The following KALRN variants were observed in gnomAD, a reference collection of about 807,000 sequenced individuals.
The protein encoded by KALRN is kalirin RhoGEF kinase.
Under a neutral mutation model 353.7 loss-of-function variants are expected in KALRN, and 70 were observed. The ratio of observed to expected loss-of-function variants is 0.20; its 90% CI spans 0.16 to 0.24. The LOEUF (loss-of-function observed/expected upper bound fraction) is 0.24, where lower values mean the gene tolerates loss of function less well. Among genes scored for constraint, KALRN ranks in the 10% least tolerant of loss-of-function variants. KALRN has a pLI of 1.00. For synonymous variants in KALRN, 1,391 were observed against 1,434.8 expected (o/e 0.97, Z 0.69); for missense variants, 2,791 against 3,756.7 (o/e 0.74, Z 6.72).
chr3:124,382,984 A>G, intron 10 of KALRN, among the ~76,000 whole-genome samples: 1 of 152,154 alleles, frequency 6.6e-6, no homozygotes, highest in Non-Finnish European at 1.5e-5. Flanking sequence ...CTTTCCTCAT[A>G]TGAAGCTGCT....
chr3:124,563,337 T>C (rs1273491521), intron 34 of KALRN, among the ~76,000 whole-genome samples: 1 of 152,186 alleles, frequency 6.6e-6, no homozygotes, highest in Non-Finnish European at 1.5e-5. Flanking sequence ...GAAATGAAGG[T>C]TGAATTAAGT....
chr3:124,326,244 G>C, intron 7 of KALRN, 73 bp downstream of exon 7: 1 of 1,280,088 alleles, frequency 7.8e-7, no homozygotes, highest in Non-Finnish European at 1.1e-6. Context: ...GGCTGGATGG[G>C]AGCACACACA....
At chr3:124,044,763 A>G (rs962833865) in intron 1 of KALRN, among the ~76,000 whole-genome samples, 3 of 152,110 alleles carry the variant, frequency 2.0e-5, no homozygotes, top group African/African-American at 7.2e-5. Flanking sequence ...ACATATTATG[A>G]TTATGTTACC....
At chr3:124,450,222 T>C (rs2058648370) in intron 21 of KALRN, among the ~76,000 whole-genome samples, 1 of 152,248 alleles carries the variant, frequency 6.6e-6, no homozygotes, top group African/African-American at 2.4e-5. Flanking sequence ...ACTGTGTCTT[T>C]TTATATAGCC....
rs1208624758 is a variant in KALRN, at chr3:124,721,045, G to A, written c.*1575G>A. ...ATCACGTAGTACAGAAGTGCAAGAAGAGAATTTATGAAGGATGAATAGAAC... is the reference window on the plus strand; with the variant it reads ...ATCACGTAGTACAGAAGTGCAAGAAAAGAATTTATGAAGGATGAATAGAAC... On this transcript the variant is annotated 3_prime_UTR_variant, in exon 60 of 60. Transcript: ENST00000682506. 6.6e-6 allele frequency: 1 copy of A among 152,178 alleles called. No homozygotes were observed. Among genetic ancestry groups the A allele is most frequent in the Admixed American group, 6.5e-5 (1 of 15,282 alleles). 9.4% of individuals were successfully genotyped at this position (152,178 alleles called of 1,614,324 possible).
chr3:124,379,748 C>T (rs1261875970), intron 10 of KALRN, among the ~76,000 whole-genome samples: 3 of 152,174 alleles, frequency 2.0e-5, no homozygotes, highest in African/African-American at 7.2e-5. Context: ...TCTCTAGCCT[C>T]AGGTAGTTTC....
chr3:124,658,656 G>T, intron 42 of KALRN, 139 bp downstream of exon 42: 1 of 692,328 alleles, frequency 1.4e-6, no homozygotes. Flanking sequence ...AGGAATAGCT[G>T]CCTCAACAGA....
chr3:124,612,819 C>G (rs2078152837), intron 34 of KALRN, among the ~76,000 whole-genome samples: 1 of 152,198 alleles, frequency 6.6e-6, no homozygotes, highest in Non-Finnish European at 1.5e-5. Flanking sequence ...ATATAGGAAG[C>G]ACTCAACAAG....
intron 34 of KALRN, among the ~76,000 whole-genome samples, chr3:124,573,258 A>G (rs2713648): frequency 0.31 from 46,725 of 152,060 alleles, 7,375 homozygotes; most frequent in East Asian, 0.38. Context: ...GCAAGACTCC[A>G]TTTCTAAAAA....
chr3:124,508,963 T>A (rs1206207718), intron 33 of KALRN, among the ~76,000 whole-genome samples: 2 of 152,216 alleles, frequency 1.3e-5, no homozygotes, highest in Non-Finnish European at 2.9e-5. Flanking sequence ...TCTTTTATAA[T>A]GTCCCTGGTT....
chr3:124,592,611 G>T (rs1042816084), intron 34 of KALRN, among the ~76,000 whole-genome samples: 3 of 152,260 alleles, frequency 2.0e-5, no homozygotes, highest in South Asian at 2.1e-4. Context: ...TTTTTGCCTA[G>T]ATAAAAATCA....
At chr3:124,273,317 A>G (rs747154802) in intron 5 of KALRN, among the ~76,000 whole-genome samples, 2 of 152,214 alleles carry the variant, frequency 1.3e-5, no homozygotes, top group Non-Finnish European at 2.9e-5. Context: ...CAAGTCACTC[A>G]TTCATTTAAT....
At chr3:124,278,046 A>T (rs903903247) in intron 5 of KALRN, among the ~76,000 whole-genome samples, 1 of 138,174 alleles carries the variant, frequency 7.2e-6, no homozygotes, top group Non-Finnish European at 1.6e-5. Context: ...GCAGTAACTG[A>T]GAAAAGTTCA....
rs1298815967 is a variant in KALRN at position 124,492,113 on chromosome 3, C to T, written c.4690-627C>T. Among the ~76,000 whole-genome samples the T allele has an allele frequency of 5.3e-5, 8 of 152,140 alleles. No homozygotes were observed. The East Asian group carries it at 1.5e-3, about 29-fold the overall frequency. ...GCCCATCACCAAGGAAAAAATGGTC[C>T]AACCCCGACAAAAGCTTCACATGTA... On this transcript the variant is annotated intron_variant, in intron 31 of 59. Coordinates refer to ENST00000682506, the MANE Select transcript of KALRN (RefSeq NM_001388419.1).
intron 33 of KALRN, among the ~76,000 whole-genome samples, chr3:124,545,990 T>G (rs1023948801): frequency 5.4e-4 from 82 of 152,290 alleles, no homozygotes; most frequent in African/African-American, 1.9e-3. Flanking sequence ...CGTCTCCCTT[T>G]TTCTAGTTCC....
chr3:124,570,179 C>A (rs2110036175), intron 34 of KALRN, among the ~76,000 whole-genome samples: 1 of 152,258 alleles, frequency 6.6e-6, no homozygotes, highest in African/African-American at 2.4e-5. Context: ...TTCATTTATG[C>A]CATAATGCCT....
chr3:124,110,326 ATATATATATGACATATATATCATAC>A, intron 1 of KALRN, among the ~76,000 whole-genome samples: 1 of 43,666 alleles, frequency 2.3e-5, no homozygotes, highest in East Asian at 1.2e-3. Flanking sequence ...TCATACTTTG[ATATATATATGACATATATATCATAC>A]TTTGATATAT....
intron 48 of KALRN, among the ~76,000 whole-genome samples, chr3:124,672,338 A>G (rs1310654652): frequency 2.6e-5 from 4 of 152,220 alleles, no homozygotes; most frequent in Non-Finnish European, 4.4e-5. Flanking sequence ...TCCTTTCCCT[A>G]TAAACTGAGT....
At chr3:124,568,989 A>G (rs1281882701) in intron 34 of KALRN, among the ~76,000 whole-genome samples, 1 of 152,208 alleles carries the variant, frequency 6.6e-6, no homozygotes, top group Non-Finnish European at 1.5e-5. Flanking sequence ...TGGCTTTTAA[A>G]AAGTATTGGT....
Sources: gnomAD v4.1 joint callset for allele counts (sites outside exome capture counted in the v4.1 genomes callset) on GRCh38, gnomAD v4.1.1 for gene constraint, MANE v1.5 for transcripts, NCBI Gene and HGNC (gene_info 2026-07-23, HGNC 2026-07-21) for gene names.